POFUT3: variants seen among roughly 807,000 people sequenced by gnomAD.
POFUT3 encodes protein O-fucosyltransferase 3.
the POFUT3 span, among the ~76,000 whole-genome samples, chr8:33,444,853 A>T: frequency 6.6e-6 from 1 of 152,164 alleles, no homozygotes; most frequent in African/African-American, 2.4e-5. Flanking sequence ...TTATTTAAAT[A>T]AAAATGGATG....
At chr8:33,410,535 T>G in the POFUT3 span, among the ~76,000 whole-genome samples, 7 of 152,202 alleles carry the variant, frequency 4.6e-5, no homozygotes, top group South Asian at 1.5e-3. Flanking sequence ...TACAGACGTT[T>G]GCACTGAACA....
chr8:33,360,219 C>T, the POFUT3 span, among the ~76,000 whole-genome samples: 13 of 151,802 alleles, frequency 8.6e-5, no homozygotes, highest in African/African-American at 1.2e-4. Context: ...CCGAGGCAGG[C>T]GGATCGTGAG....
the POFUT3 span, among the ~76,000 whole-genome samples, chr8:33,450,953 C>T: frequency 6.6e-6 from 1 of 151,700 alleles, no homozygotes; most frequent in African/African-American, 2.4e-5. Flanking sequence ...AGACCCACAC[C>T]AAAGCAGTTA....
At chr8:33,470,334 C>G in the POFUT3 span, among the ~76,000 whole-genome samples, 274 of 151,456 alleles carry the variant, frequency 1.8e-3, 1 homozygote, top group Non-Finnish European at 3.4e-3. Flanking sequence ...GCAGGAGGAT[C>G]CCTTGAGCCC....
At chr8:33,362,735 T>A in the POFUT3 span, among the ~76,000 whole-genome samples, 5 of 152,192 alleles carry the variant, frequency 3.3e-5, no homozygotes, top group Admixed American at 3.3e-4. Context: ...CCTAAATATA[T>A]ATGCACCCCA....
chr8:33,343,736 T>G, the POFUT3 span, among the ~76,000 whole-genome samples: 3 of 152,236 alleles, frequency 2.0e-5, no homozygotes, highest in Non-Finnish European at 4.4e-5. Flanking sequence ...GCTAGAGGTT[T>G]CCTAGAAAAA....
the POFUT3 span, among the ~76,000 whole-genome samples, chr8:33,418,411 CTTTTT>C: frequency 5.5e-5 from 7 of 126,570 alleles, no homozygotes; most frequent in Admixed American, 1.6e-4. Context: ...AAAGGGAACT[CTTTTT>C]TTTTTTTTTT....
At chr8:33,309,053 T>C in the POFUT3 span, among the ~76,000 whole-genome samples, 1 of 147,466 alleles carries the variant, frequency 6.8e-6, no homozygotes. Context: ...GAAACCTCCA[T>C]AGTCTGGTGA....
At chr8:33,383,786 G>A in the POFUT3 span, among the ~76,000 whole-genome samples, 62 of 129,636 alleles carry the variant, frequency 4.8e-4, no homozygotes, top group Non-Finnish European at 1.1e-4. Context: ...GTGACAGAGT[G>A]AGACTGTCTC....
chr8:33,425,760 C>CA, the POFUT3 span, among the ~76,000 whole-genome samples: 43 of 151,328 alleles, frequency 2.8e-4, no homozygotes, highest in African/African-American at 8.2e-4. Context: ...CTATCTCTAC[C>CA]AAAAAAAATA....
At chr8:33,325,790 T>A in the POFUT3 span, among the ~76,000 whole-genome samples, 20 of 152,328 alleles carry the variant, frequency 1.3e-4, 2 homozygotes, top group South Asian at 4.1e-3. Context: ...GGACTCATTC[T>A]GGTTCAGTCT....
the POFUT3 span, chr8:33,461,851 T>G: frequency 5.6e-6 from 2 of 359,272 alleles, no homozygotes; most frequent in Non-Finnish European, 1.1e-5. Flanking sequence ...GTAGTCCTAG[T>G]ACCTCACTCA....
the POFUT3 span, among the ~76,000 whole-genome samples, chr8:33,320,780 A>C: frequency 2.0e-5 from 3 of 152,128 alleles, no homozygotes; most frequent in Non-Finnish European, 4.4e-5. Context: ...ACTTCATGGC[A>C]GCTGAGTTAC....
the POFUT3 span, among the ~76,000 whole-genome samples, chr8:33,407,357 A>G: frequency 6.6e-6 from 1 of 152,166 alleles, no homozygotes; most frequent in Non-Finnish European, 1.5e-5. Context: ...ACTGACTTCA[A>G]AGTAATCAAG....
chr8:33,462,177 T>A, the POFUT3 span, among the ~76,000 whole-genome samples: 486 of 5,824 alleles, frequency 0.083, no homozygotes, highest in Non-Finnish European at 0.1. Flanking sequence ...GGGACCAGAG[T>A]GGTGAATTGA....
chr8:33,443,118 A>C, the POFUT3 span, among the ~76,000 whole-genome samples: 1,577 of 152,288 alleles, frequency 0.01, 28 homozygotes, highest in African/African-American at 0.036. Context: ...GCCTACGAAA[A>C]AGAAAAGAAA....
chr8:33,387,634 T>C, the POFUT3 span, among the ~76,000 whole-genome samples: 2 of 152,110 alleles, frequency 1.3e-5, no homozygotes, highest in East Asian at 3.9e-4. Flanking sequence ...TGAAACCCCG[T>C]CTCTACTAAA....
the POFUT3 span, among the ~76,000 whole-genome samples, chr8:33,428,954 T>A: frequency 1.3e-5 from 2 of 152,148 alleles, no homozygotes; most frequent in Non-Finnish European, 2.9e-5. Flanking sequence ...TAAGACAATA[T>A]CATAATCCTA....
the POFUT3 span, among the ~76,000 whole-genome samples, chr8:33,472,374 C>T: frequency 6.6e-6 from 1 of 152,178 alleles, no homozygotes; most frequent in Admixed American, 6.5e-5. Context: ...TAAAAGATTC[C>T]CAGAAAATGT....
Sources: gnomAD v4.1 joint callset for allele counts (sites outside exome capture counted in the v4.1 genomes callset) on GRCh38, gnomAD v4.1.1 for gene constraint, MANE v1.5 for transcripts, NCBI Gene and HGNC (gene_info 2026-07-23, HGNC 2026-07-21) for gene names.